CCNY: variants seen among roughly 807,000 people sequenced by gnomAD.
The protein encoded by CCNY is cyclin Y, also known as cyclin-Y.
CCNY carries 19 observed loss-of-function variants against 42.8 expected under a neutral mutation model. The ratio of observed to expected loss-of-function variants is 0.44; its 90% CI spans 0.31 to 0.65. The LOEUF (loss-of-function observed/expected upper bound fraction) is 0.65, where lower values mean the gene tolerates loss of function less well. Ranked by LOEUF, CCNY falls within the 30% of genes least tolerant of loss-of-function variation. CCNY has a pLI of 0.07. For synonymous variants in CCNY, 165 were observed against 162.7 expected (o/e 1.01, Z -0.11); for missense variants, 370 against 437.3 (o/e 0.85, Z 1.37).
chr10:35,322,093 C>T (rs181276203), intron 3 of CCNY, among the ~76,000 whole-genome samples: 6 of 152,326 alleles, frequency 3.9e-5, no homozygotes, highest in East Asian at 1.9e-4. Flanking sequence ...CGGTGGCTCA[C>T]GCCTGTAATC....
intron 3 of CCNY, among the ~76,000 whole-genome samples, chr10:35,501,863 C>T (rs139614700): frequency 6.6e-6 from 1 of 152,286 alleles, no homozygotes; most frequent in East Asian, 1.9e-4. Context: ...ACCCTCACCC[C>T]CAAATTATTC....
At chr10:35,492,098 C>T (rs778777225) in intron 2 of CCNY, among the ~76,000 whole-genome samples, 1 of 152,182 alleles carries the variant, frequency 6.6e-6, no homozygotes, top group Non-Finnish European at 1.5e-5. Context: ...TCCCAGTCTC[C>T]TGCCTCCATC....
intron 1 of CCNY, among the ~76,000 whole-genome samples, chr10:35,469,756 G>A (rs1839348139): frequency 1.3e-5 from 2 of 151,190 alleles, no homozygotes; most frequent in Admixed American, 1.3e-4. Flanking sequence ...GGGGAGACAG[G>A]AAGATGGAGA....
chr10:35,266,567 T>C (rs958572730), intron 3 of CCNY, among the ~76,000 whole-genome samples: 2 of 152,104 alleles, frequency 1.3e-5, no homozygotes, highest in African/African-American at 2.4e-5. Context: ...TGTGCTGCAA[T>C]GAAAATACTT....
chr10:35,359,484 C>T (rs1255367345), intron 1 of CCNY, among the ~76,000 whole-genome samples: 2 of 148,124 alleles, frequency 1.4e-5, no homozygotes. Flanking sequence ...ACCATTTTAA[C>T]TCTTTATTTA....
intron 7 of CCNY, among the ~76,000 whole-genome samples, chr10:35,549,004 A>G (rs1841181288): frequency 1.3e-5 from 2 of 152,206 alleles, no homozygotes; most frequent in Admixed American, 1.3e-4. Flanking sequence ...TAATCTGAAC[A>G]CAGAACAATA....
chr10:35,447,002 G>A (rs1799620110), intron 1 of CCNY, among the ~76,000 whole-genome samples: 1 of 152,210 alleles, frequency 6.6e-6, no homozygotes, highest in African/African-American at 2.4e-5. Flanking sequence ...TTAGGTCTGG[G>A]CACAGTGGCT....
At chr10:35,541,322 T>C (rs1028875502) in intron 7 of CCNY, among the ~76,000 whole-genome samples, 2 of 152,186 alleles carry the variant, frequency 1.3e-5, no homozygotes, top group East Asian at 1.9e-4. Flanking sequence ...TATAATATTA[T>C]AAAATTATAT....
upstream of CCNY, among the ~76,000 whole-genome samples, chr10:35,335,105 G>T: frequency 9.5e-6 from 1 of 105,358 alleles, no homozygotes; most frequent in Admixed American, 1.5e-4. Context: ...GACTCCTTCA[G>T]TAAATATTTG....
chr10:35,506,250 T>C (rs370342149), intron 3 of CCNY, among the ~76,000 whole-genome samples: 7 of 152,308 alleles, frequency 4.6e-5, no homozygotes, highest in Admixed American at 3.3e-4. Context: ...TAATTTCAAA[T>C]GTATAGAAAA....
intron 1 of CCNY, among the ~76,000 whole-genome samples, chr10:35,419,446 A>G (rs1194419270): frequency 1.3e-5 from 2 of 151,876 alleles, no homozygotes. Context: ...CTGACGGGAG[A>G]AAAAGTAATC....
At chr10:35,535,803 A>G (rs1431419626) in intron 7 of CCNY, among the ~76,000 whole-genome samples, 1 of 152,222 alleles carries the variant, frequency 6.6e-6, no homozygotes, top group Non-Finnish European at 1.5e-5. Context: ...TGATGTGCAT[A>G]GGTTATATGA....
chr10:35,527,231 A>G (rs1366128737), intron 5 of CCNY, among the ~76,000 whole-genome samples: 1 of 152,364 alleles, frequency 6.6e-6, no homozygotes, highest in Non-Finnish European at 1.5e-5. Context: ...AGAGTAATGT[A>G]TCAGTGAAAG....
intron 1 of CCNY, among the ~76,000 whole-genome samples, chr10:35,365,245 G>A (rs1266447643): frequency 2.0e-5 from 3 of 152,270 alleles, no homozygotes; most frequent in Admixed American, 2.0e-4. Flanking sequence ...AAGAAAGCAA[G>A]AGTAACATAA....
At chr10:35,489,873 A>G (rs1839863351) in intron 2 of CCNY, among the ~76,000 whole-genome samples, 1 of 152,244 alleles carries the variant, frequency 6.6e-6, no homozygotes, top group African/African-American at 2.4e-5. Context: ...TACCAAATGT[A>G]GCACATGACT....
intron 3 of CCNY, among the ~76,000 whole-genome samples, chr10:35,511,370 C>T (rs188069145): frequency 1.4e-4 from 22 of 152,154 alleles, no homozygotes; most frequent in African/African-American, 4.8e-4. Flanking sequence ...AGGGTGAACA[C>T]GGGCATAGAA....
chr10:35,408,292 A>G (rs1361077358), intron 1 of CCNY, among the ~76,000 whole-genome samples: 1 of 152,204 alleles, frequency 6.6e-6, no homozygotes, highest in Middle Eastern at 3.2e-3. Context: ...TTCGGCACCA[A>G]ATGTCTCACA....
intron 1 of CCNY, among the ~76,000 whole-genome samples, chr10:35,367,489 A>C (rs2135167390): frequency 6.6e-6 from 1 of 152,360 alleles, no homozygotes; most frequent in South Asian, 2.1e-4. Context: ...TAATATTGTT[A>C]GGTAAAGGTC....
chr10:35,259,980 T>C (rs183467726), intron 3 of CCNY, among the ~76,000 whole-genome samples: 79 of 152,180 alleles, frequency 5.2e-4, no homozygotes, highest in Middle Eastern at 3.4e-3. Flanking sequence ...TTTTCTATTA[T>C]ACTAATGTCC....
Sources: gnomAD v4.1 joint callset for allele counts (sites outside exome capture counted in the v4.1 genomes callset) on GRCh38, gnomAD v4.1.1 for gene constraint, MANE v1.5 for transcripts, NCBI Gene and HGNC (gene_info 2026-07-23, HGNC 2026-07-21) for gene names.